APBB2: variants seen among roughly 807,000 people sequenced by gnomAD.
APBB2 encodes Fe65-like 1.
APBB2 carries 38 observed loss-of-function variants against 82.5 expected under a neutral mutation model. That is an observed-to-expected ratio of 0.46 (90% confidence interval 0.36 to 0.60). The LOEUF is 0.60. Among genes scored for constraint, APBB2 ranks in the 20% least tolerant of loss-of-function variants. APBB2 has a pLI of 0.00. For missense variants in APBB2, 772 were observed against 972.3 expected (o/e 0.79, Z 2.74); for synonymous variants, 341 against 368.2 (o/e 0.93, Z 0.85).
chr4:40,999,634 A>G (rs1450006057), intron 6 of APBB2, among the ~76,000 whole-genome samples: 1 of 152,182 alleles, frequency 6.6e-6, no homozygotes, highest in Non-Finnish European at 1.5e-5. Flanking sequence ...AATTTCTACA[A>G]CTGAAAATTA....
At chr4:41,076,262 G>C (rs953494508) in intron 3 of APBB2, among the ~76,000 whole-genome samples, 1 of 152,202 alleles carries the variant, frequency 6.6e-6, no homozygotes, top group Non-Finnish European at 1.5e-5. Flanking sequence ...GTGGGGTTTG[G>C]ATGAGAAGAC....
chr4:41,028,009 G>C (rs897337208), intron 5 of APBB2, among the ~76,000 whole-genome samples: 2 of 152,208 alleles, frequency 1.3e-5, no homozygotes, highest in African/African-American at 4.8e-5. Context: ...TAATATTACT[G>C]CTGTCATTGC....
At chr4:40,974,747 T>C (rs2154400106) in intron 6 of APBB2, among the ~76,000 whole-genome samples, 1 of 152,354 alleles carries the variant, frequency 6.6e-6, no homozygotes, top group Admixed American at 6.5e-5. Flanking sequence ...GGCTGGATTC[T>C]AACATAAATT....
At chr4:40,843,768 C>G (rs1163260332) in intron 12 of APBB2, among the ~76,000 whole-genome samples, 1 of 152,192 alleles carries the variant, frequency 6.6e-6, no homozygotes, top group East Asian at 1.9e-4. Flanking sequence ...TGGCCCCTAA[C>G]AGTAACTGGA....
chr4:41,206,048 A>G (rs957854571), intron 1 of APBB2, among the ~76,000 whole-genome samples: 6 of 152,156 alleles, frequency 3.9e-5, no homozygotes, highest in African/African-American at 1.4e-4. Flanking sequence ...CTCCACAGTC[A>G]CCATGACCAA....
intron 12 of APBB2, chr4:40,881,239 G>T (rs1768407664): frequency 1.0e-6 from 1 of 984,970 alleles, no homozygotes; most frequent in Non-Finnish European, 1.2e-6. Context: ...GAGAATTATT[G>T]TTCCTTCCTG....
At chr4:41,045,836 A>C (rs761462838) in intron 4 of APBB2, among the ~76,000 whole-genome samples, 2 of 152,240 alleles carry the variant, frequency 1.3e-5, no homozygotes, top group African/African-American at 2.4e-5. Context: ...GGCACATAGC[A>C]GATGTTCAAG....
intron 2 of APBB2, among the ~76,000 whole-genome samples, chr4:41,124,855 AAGTACCTTCAAT>A (rs1753931771): frequency 6.6e-6 from 1 of 152,146 alleles, no homozygotes; most frequent in African/African-American, 2.4e-5. Flanking sequence ...TTCCTCACCT[AAGTACCTTCAAT>A]CTGCCATCCT....
intron 12 of APBB2, among the ~76,000 whole-genome samples, chr4:40,863,495 C>A (rs1763278636): frequency 6.6e-6 from 1 of 152,178 alleles, no homozygotes; most frequent in African/African-American, 2.4e-5. Flanking sequence ...AGTTCTTATT[C>A]AGAGGCTCCA....
At chr4:40,903,700 ACAGGGAACAGG>A (rs1218431346) in intron 10 of APBB2, among the ~76,000 whole-genome samples, 1 of 152,206 alleles carries the variant, frequency 6.6e-6, no homozygotes, top group Non-Finnish European at 1.5e-5. Flanking sequence ...AATAGAAGCC[ACAGGGAACAGG>A]CAGGGTTTTG....
chr4:41,062,212 G>A (rs1374184073), intron 4 of APBB2, among the ~76,000 whole-genome samples: 1 of 150,746 alleles, frequency 6.6e-6, no homozygotes, highest in Non-Finnish European at 1.5e-5. Flanking sequence ...TGCTCTTGTC[G>A]CCCAGGCTGG....
intron 3 of APBB2, among the ~76,000 whole-genome samples, chr4:41,079,489 G>A (rs1330506357): frequency 6.6e-6 from 1 of 151,508 alleles, no homozygotes; most frequent in Non-Finnish European, 1.5e-5. Context: ...TAAGCTTTAA[G>A]ATACAGATAA....
intron 12 of APBB2, among the ~76,000 whole-genome samples, chr4:40,878,733 G>A (rs747755944): frequency 2.0e-5 from 3 of 152,126 alleles, no homozygotes; most frequent in African/African-American, 4.8e-5. Flanking sequence ...GTCAGAGCCC[G>A]TCTGTCACCC....
At chr4:40,957,365 T>C (rs965885931) in intron 6 of APBB2, among the ~76,000 whole-genome samples, 3 of 152,206 alleles carry the variant, frequency 2.0e-5, no homozygotes, top group Non-Finnish European at 4.4e-5. Flanking sequence ...GAAAACTAGA[T>C]AATAACACTG....
At chr4:40,914,483 C>T (rs1167164896) in intron 10 of APBB2, among the ~76,000 whole-genome samples, 2 of 152,258 alleles carry the variant, frequency 1.3e-5, no homozygotes, top group South Asian at 2.1e-4. Context: ...ACCCAGGAGG[C>T]GGGGGTTGCA....
intron 12 of APBB2, among the ~76,000 whole-genome samples, chr4:40,871,652 A>G (rs562899414): frequency 4.0e-4 from 61 of 152,298 alleles, no homozygotes; most frequent in Non-Finnish European, 7.5e-4. Context: ...TCATCTGTAA[A>G]AGGGACATAA....
intron 7 of APBB2, among the ~76,000 whole-genome samples, chr4:40,944,039 A>G (rs1226747873): frequency 1.3e-5 from 2 of 152,278 alleles, no homozygotes. Context: ...AAGCTTCCAC[A>G]GTAGTTCTAA....
intron 6 of APBB2, among the ~76,000 whole-genome samples, chr4:40,975,663 C>T (rs1037254108): frequency 3.3e-5 from 5 of 151,594 alleles, no homozygotes; most frequent in African/African-American, 4.8e-5. Context: ...TTAGAGTTGG[C>T]CTAGCAAGAG....
chr4:41,119,729 C>A (rs1752235077), intron 2 of APBB2, among the ~76,000 whole-genome samples: 1 of 151,690 alleles, frequency 6.6e-6, no homozygotes, highest in African/African-American at 2.4e-5. Flanking sequence ...TCAACTGTAA[C>A]AAGAGACTCC....
Sources: allele counts gnomAD v4.1 joint callset (sites outside exome capture counted in the v4.1 genomes callset), GRCh38; gene constraint gnomAD v4.1.1; transcripts MANE v1.5; gene names NCBI Gene and HGNC (gene_info 2026-07-23, HGNC 2026-07-21).